Variants in ARFGEF1 observed in about 807,000 individuals in gnomAD.
ARFGEF1 encodes brefeldin A-inhibited guanine nucleotide-exchange protein 1.
ARFGEF1 carries 42 observed loss-of-function variants against 231.0 expected under a neutral mutation model. The ratio of observed to expected loss-of-function variants is 0.18; its 90% CI spans 0.14 to 0.24. ARFGEF1 has a LOEUF of 0.24. Among genes scored for constraint, ARFGEF1 ranks in the 10% least tolerant of loss-of-function variants. The pLI is 1.00. For missense variants in ARFGEF1, 1,345 were observed against 2,192.0 expected (o/e 0.61, Z 7.72); for synonymous variants, 710 against 732.3 (o/e 0.97, Z 0.49).
intron 33 of ARFGEF1, among the ~76,000 whole-genome samples, chr8:67,215,772 A>G (rs973310184): frequency 2.6e-5 from 4 of 152,210 alleles, no homozygotes; most frequent in African/African-American, 7.2e-5. Context: ...TAGAACCATG[A>G]GATAGTAGGT....
chr8:67,340,846 G>T (rs1808591750), intron 1 of ARFGEF1, among the ~76,000 whole-genome samples: 1 of 152,126 alleles, frequency 6.6e-6, no homozygotes, highest in Non-Finnish European at 1.5e-5. Flanking sequence ...TCAAAATCTG[G>T]AATAGACAAC....
intron 33 of ARFGEF1, among the ~76,000 whole-genome samples, chr8:67,214,031 A>C (rs1267981974): frequency 6.6e-6 from 1 of 152,228 alleles, no homozygotes; most frequent in East Asian, 1.9e-4. Context: ...TAGAAGCTGG[A>C]AGAGTTCTGA....
At chr8:67,285,858 A>G (rs916872658) in intron 7 of ARFGEF1, among the ~76,000 whole-genome samples, 17 of 152,296 alleles carry the variant, frequency 1.1e-4, no homozygotes, top group Non-Finnish European at 1.8e-4. Flanking sequence ...AATATTCTAC[A>G]AGGCAAAAGA....
At chr8:67,298,876 C>T (rs1806355534) in intron 4 of ARFGEF1, among the ~76,000 whole-genome samples, 1 of 152,174 alleles carries the variant, frequency 6.6e-6, no homozygotes, top group South Asian at 2.1e-4. Context: ...AGTGATTCTC[C>T]TGCCTCAGCC....
chr8:67,267,022 T>C (rs746495797), intron 12 of ARFGEF1, 38 bp from the exon 13 acceptor site: 51 of 1,609,708 alleles, frequency 3.2e-5, no homozygotes, highest in Non-Finnish European at 4.2e-5. Flanking sequence ...TTTTTAAAGG[T>C]CTTTTAAGGA....
In ARFGEF1 at chr8:67,236,358, AAAAAAAAATATATATATAT is replaced by A. The variant is rs1266362784; in HGVS notation, c.3289+1966_3289+1984del. Among the ~76,000 whole-genome samples the A allele has an allele frequency of 1.6e-4, 7 of 43,100 alleles. 1 individual carries two copies. The highest frequency in any genetic ancestry group is 6.3e-4 in the African/African-American group (6 of 9,468). 28.3% of individuals were successfully genotyped at this position (43,100 alleles called of 152,430 possible). ...AAAAAAAGATATTAGTTAAAAAAAA[AAAAAAAAATATATATATAT>A]ATATATATATATATATATATATATA... is the stretch of plus-strand genomic sequence containing the variant. On this transcript the variant is annotated intron_variant, in intron 22 of 38. Coordinates refer to ENST00000262215, the MANE Select transcript of ARFGEF1 (RefSeq NM_006421.5).
intron 10 of ARFGEF1, among the ~76,000 whole-genome samples, chr8:67,270,055 C>T (rs1805012150): frequency 6.6e-6 from 1 of 152,150 alleles, no homozygotes; most frequent in South Asian, 2.1e-4. Flanking sequence ...AATGTCTCAT[C>T]ATCAGATGAA....
Position 67,198,028 on chromosome 8 carries a change from T to C in ARFGEF1, c.*906A>G. ...AAAAGAAAAGAAAATGACAGCAATCTGGATTCATTTTGCAGTGATTCAAGT... is the reference window on the plus strand; with the variant it reads ...AAAAGAAAAGAAAATGACAGCAATCCGGATTCATTTTGCAGTGATTCAAGT... On this transcript the variant is annotated 3_prime_UTR_variant, in exon 39 of 39. Coordinates refer to ENST00000262215, the MANE Select transcript of ARFGEF1 (RefSeq NM_006421.5). The C allele has an allele frequency of 1.0e-6, 1 of 985,902 alleles. No individual in the cohort carries two copies. Among genetic ancestry groups the C allele is most frequent in the African/African-American group, 1.7e-5 (1 of 57,372 alleles). 61.1% of individuals were successfully genotyped at this position (985,902 alleles called of 1,614,324 possible).
chr8:67,301,067 T>C (rs984068686), intron 3 of ARFGEF1, among the ~76,000 whole-genome samples, 157 bp downstream of exon 3: 15 of 152,202 alleles, frequency 9.9e-5, no homozygotes, highest in Admixed American at 9.2e-4. Context: ...TTTGCAACTA[T>C]TATTATCTGT....
chr8:67,215,898 A>T (rs775501397), intron 33 of ARFGEF1, among the ~76,000 whole-genome samples: 11 of 152,200 alleles, frequency 7.2e-5, no homozygotes, highest in Non-Finnish European at 1.2e-4. Flanking sequence ...TTACTTTTCT[A>T]TAAGGTGAAA....
intron 29 of ARFGEF1, among the ~76,000 whole-genome samples, chr8:67,222,057 C>G (rs1381189866): frequency 4.0e-5 from 6 of 150,644 alleles, no homozygotes; most frequent in Non-Finnish European, 8.9e-5. Flanking sequence ...TCGTGATCCG[C>G]CCACCTTGGC....
chr8:67,217,393 T>C (rs1702176098), intron 32 of ARFGEF1, among the ~76,000 whole-genome samples: 1 of 151,316 alleles, frequency 6.6e-6, no homozygotes, highest in Non-Finnish European at 1.5e-5. Context: ...AAATACGAAA[T>C]ATAGTATGTG....
intron 7 of ARFGEF1, among the ~76,000 whole-genome samples, chr8:67,278,977 G>GCATA (rs1179154360): frequency 4.0e-5 from 6 of 151,680 alleles, no homozygotes; most frequent in African/African-American, 1.5e-4. Flanking sequence ...TGTAGAAAAT[G>GCATA]CATAGGCCAG....
chr8:67,214,591 A>G (rs1268789803), intron 33 of ARFGEF1, among the ~76,000 whole-genome samples: 2 of 152,348 alleles, frequency 1.3e-5, no homozygotes, highest in East Asian at 1.9e-4. Context: ...ATAGCTGGAC[A>G]ACTTTTTGCC....
intron 14 of ARFGEF1, among the ~76,000 whole-genome samples, chr8:67,260,582 A>C (rs1451575002): frequency 5.9e-5 from 9 of 152,174 alleles, no homozygotes; most frequent in Non-Finnish European, 1.3e-4. Flanking sequence ...GTGTGTTCTG[A>C]CTGCTCCACT....
Position 67,203,248 on chromosome 8 carries a change from C to T in ARFGEF1, c.4963G>A (p.Asp1655Asn), listed in dbSNP as rs746498172. 1.2e-6 allele frequency: 2 copies of T among 1,613,508 alleles called. No individual in the cohort carries two copies. The highest frequency in any genetic ancestry group is 1.7e-6 in the Non-Finnish European group (2 of 1,179,750). Residue 1655 changes from aspartate (D) to asparagine (N), a missense_variant, in exon 36 of 39, where the codon GAT (aspartate) becomes AAT (asparagine). This residue lies in a region of ARFGEF1 where 161 missense variants were observed against 284.9 expected (regional missense o/e 0.57). Coordinates refer to ENST00000262215, the MANE Select transcript of ARFGEF1 (RefSeq NM_006421.5). ...DAENLAAAQR[D>N]AVDFDVRVDT... Reference sequence around the variant, plus strand: ...ACGCGAACATCAAAGTCCACCGCATCTCTCTTTGGAAAACAAACCACCCCA... The same window carrying T: ...ACGCGAACATCAAAGTCCACCGCATTTCTCTTTGGAAAACAAACCACCCCA...
chr8:67,277,514 T>C (rs1481822764), intron 7 of ARFGEF1, 57 bp from the exon 8 acceptor site: 112 of 1,495,698 alleles, frequency 7.5e-5, no homozygotes, highest in Non-Finnish European at 1.0e-4. Context: ...GAAGTGTATT[T>C]AAAAAGCACA....
At chr8:67,222,137 C>T (rs1210190348) in intron 29 of ARFGEF1, among the ~76,000 whole-genome samples, 1 of 142,878 alleles carries the variant, frequency 7.0e-6, no homozygotes, top group African/African-American at 2.6e-5. Context: ...ATCTTTTATG[C>T]CATGTTTTTA....
chr8:67,176,597 G>A (rs1249241406), intron 5 of ARFGEF1, among the ~76,000 whole-genome samples: 2 of 152,130 alleles, frequency 1.3e-5, no homozygotes, highest in Non-Finnish European at 2.9e-5. Flanking sequence ...CAGTCTGGTG[G>A]CATTTTTCTT....
Sources: allele counts gnomAD v4.1 joint callset (sites outside exome capture counted in the v4.1 genomes callset), GRCh38; gene constraint gnomAD v4.1.1; regional missense constraint gnomAD v4.1.1; transcripts MANE v1.5; gene names NCBI Gene and HGNC (gene_info 2026-07-23, HGNC 2026-07-21).